CD8B: variants seen among roughly 807,000 people sequenced by gnomAD.
The protein encoded by CD8B is T-cell surface glycoprotein CD8 beta chain.
In CD8B, 6 loss-of-function variants were observed where a neutral mutation model predicts 24.2. The observed-to-expected ratio is 0.25, with a 90% CI of 0.14 to 0.49. The LOEUF (loss-of-function observed/expected upper bound fraction) is 0.49, where lower values mean the gene tolerates loss of function less well. Among genes scored for constraint, CD8B ranks in the 20% least tolerant of loss-of-function variants. CD8B has a pLI of 0.98. For missense variants in CD8B, 196 were observed against 271.3 expected (o/e 0.72, Z 1.95); for synonymous variants, 84 against 108.3 (o/e 0.78, Z 1.39).
At chr2:86,845,739 C>T (rs1476682130) in intron 4 of CD8B, among the ~76,000 whole-genome samples, 1 of 152,160 alleles carries the variant, frequency 6.6e-6, no homozygotes, top group East Asian at 1.9e-4. Flanking sequence ...AAATATTTTA[C>T]CAATGAGTTC....
chr2:86,833,079 G>A, intron 5 of CD8B: 2 of 330,110 alleles, frequency 6.1e-6, no homozygotes, highest in South Asian at 2.4e-5. Context: ...CAGGAACACA[G>A]CTACAGACAT....
chr2:86,851,823 A>ATGTGTGTC (rs1675989668), intron 3 of CD8B, among the ~76,000 whole-genome samples: 1 of 152,054 alleles, frequency 6.6e-6, no homozygotes, highest in Admixed American at 6.6e-5. Flanking sequence ...GTGCATGGGC[A>ATGTGTGTC]TGTGTGTCTG....
In CD8B at chr2:86,842,293, A is replaced by G. The variant is rs750151632; in HGVS notation, c.*14T>C. ...TGTCTTTTTGTAGCAGGACACCAAA[A>G]CCGTATTCTCTGCTCATTTGTAAAA... On this transcript the variant is annotated 3_prime_UTR_variant, in exon 6 of 6. Transcript: ENST00000390655. The G allele has an allele frequency of 1.9e-6, 3 of 1,590,578 alleles. No homozygotes were observed. The highest frequency in any genetic ancestry group is 2.7e-5 in the African/African-American group (2 of 73,746).
At chr2:86,848,738 C>T (rs1030723127) in intron 3 of CD8B, among the ~76,000 whole-genome samples, 233 of 53,940 alleles carry the variant, frequency 4.3e-3, no homozygotes, top group Non-Finnish European at 5.5e-3. Context: ...ATTTTTGAGA[C>T]GGAGTTTTGC....
Position 86,838,429 on chromosome 2 carries a change from GTATTA to G in CD8B, c.*3873_*3877del, listed in dbSNP as rs1417038838. Among the ~76,000 whole-genome samples the G allele has an allele frequency of 2.6e-5, 4 of 152,080 alleles. No individual in the cohort carries two copies. Among genetic ancestry groups the G allele is most frequent in the South Asian group, 4.1e-4 (2 of 4,822 alleles). On this transcript the variant is annotated 3_prime_UTR_variant, in exon 6 of 6. Transcript: ENST00000390655. The stretch of plus-strand genomic sequence containing the variant: ...TAATTTTCTATATTCTCTATTTTAT[GTATTA>G]TATTCTCAAGATTTCAATTTTATGT...
chr2:86,854,813 A>G (rs1245050239), intron 2 of CD8B, among the ~76,000 whole-genome samples: 1 of 152,054 alleles, frequency 6.6e-6, no homozygotes, highest in African/African-American at 2.4e-5. Flanking sequence ...ACAGAAAAAA[A>G]AAAAAGAAAA....
chr2:86,822,980 C>T (rs1674536530), intron 5 of CD8B, among the ~76,000 whole-genome samples: 1 of 152,212 alleles, frequency 6.6e-6, no homozygotes, highest in African/African-American at 2.4e-5. Context: ...GTATGCATAA[C>T]ATAAATTTAC....
Position 86,839,594 on chromosome 2 carries a change from C to T in CD8B, c.*2713G>A, listed in dbSNP as rs1675324939. ...TTGGCAGCCCAGCCTGCTCCAGCTC[C>T]CTGGGCAGCCGGAGCTGAGCCCGCC... is the stretch of plus-strand genomic sequence containing the variant. On this transcript the variant is annotated 3_prime_UTR_variant, in exon 6 of 6. Transcript: ENST00000390655. Among the ~76,000 whole-genome samples the T allele has an allele frequency of 6.6e-6, 1 of 152,252 alleles. No individual in the cohort carries two copies. Among genetic ancestry groups the T allele is most frequent in the South Asian group, 2.1e-4 (1 of 4,834 alleles).
intron 2 of CD8B, 59 bp from the exon 3 acceptor site, chr2:86,853,145 A>G: frequency 4.5e-6 from 7 of 1,548,914 alleles, no homozygotes; most frequent in Non-Finnish European, 6.1e-6. Flanking sequence ...GGACTCAAAG[A>G]CAAAACTTTG....
chr2:86,819,663 T>C (rs555705403), intron 5 of CD8B, among the ~76,000 whole-genome samples: 1 of 152,344 alleles, frequency 6.6e-6, no homozygotes, highest in East Asian at 1.9e-4. Flanking sequence ...ACCCAAGAGA[T>C]CTGATGGAGA....
rs187225137 is a variant in CD8B at position 86,823,692 on chromosome 2, C to T, written c.621-7974G>A. Among the ~76,000 whole-genome samples the T allele has an allele frequency of 3.3e-4, 50 of 152,350 alleles. 2 individuals are homozygous for T. In the East Asian group the frequency reaches 8.1e-3, roughly 25 times the overall value. On this transcript the variant is annotated intron_variant, in intron 5 of 5. Transcript: ENST00000331469. ...ATTTGATATTGACTGTGCACCCACA[C>T]GTGTGCTGGGCACTGTTCGAGGCAG...
At chr2:86,829,665 C>T (rs1427287839) in intron 5 of CD8B, among the ~76,000 whole-genome samples, 2 of 152,172 alleles carry the variant, frequency 1.3e-5, no homozygotes, top group Non-Finnish European at 2.9e-5. Context: ...ATAGCATAAA[C>T]GCTACCCTGT....
chr2:86,822,256 C>T, intron 5 of CD8B: 1 of 848,942 alleles, frequency 1.2e-6, no homozygotes, highest in Non-Finnish European at 1.9e-6. Context: ...AAGATGATAT[C>T]TGTTTCAGGT....
intron 3 of CD8B, among the ~76,000 whole-genome samples, chr2:86,848,522 G>A (rs1232976264): frequency 1.3e-5 from 2 of 151,966 alleles, no homozygotes; most frequent in East Asian, 3.9e-4. Flanking sequence ...TAGCTGAGGG[G>A]CAGAGCAGGG....
chr2:86,839,552 C>T lies in CD8B; in HGVS notation c.*2755G>A, dbSNP rs113687804. Among the ~76,000 whole-genome samples, 2,836 of 152,324 alleles carry T rather than the reference C, an allele frequency of 0.019. 84 individuals carry two copies. Among genetic ancestry groups the T allele is most frequent in the African/African-American group, 0.065 (2,681 of 41,558 alleles). On this transcript the variant is annotated 3_prime_UTR_variant, in exon 6 of 6. Transcript: ENST00000390655. ...GTCAGGTGCTGGGTGCAGACCTTCT[C>T]ACCGCAGCCCCCACCATTGGCAGCC...
chr2:86,858,833 C>T (rs1676424972), intron 1 of CD8B, among the ~76,000 whole-genome samples: 1 of 151,576 alleles, frequency 6.6e-6, no homozygotes, highest in Non-Finnish European at 1.5e-5. Flanking sequence ...TCAGCCTTGA[C>T]CTCCTGGGCT....
chr2:86,847,196 C>A (rs1675732375), intron 3 of CD8B, among the ~76,000 whole-genome samples: 2 of 151,910 alleles, frequency 1.3e-5, no homozygotes, highest in Non-Finnish European at 2.9e-5. Flanking sequence ...CTTGGCCTCC[C>A]AAAGTGCTGG....
rs1190922471 is a variant in CD8B at position 86,826,032 on chromosome 2, C to T, written c.621-10314G>A. 5.9e-5 allele frequency among the ~76,000 whole-genome samples: 9 copies of T among 152,266 alleles called. No individual in the cohort carries two copies. In the East Asian group the frequency reaches 9.7e-4, roughly 16 times the overall value. The stretch of plus-strand genomic sequence containing the variant: ...GCCTCCCTGAGCCTTGAAACATTTG[C>T]AGACCAAGCAGGCTCAGGTGCCCGT... On this transcript the variant is annotated intron_variant, in intron 5 of 5. Transcript: ENST00000331469.
chr2:86,829,094 A>ATTTTTTT (rs1674803947), intron 5 of CD8B, among the ~76,000 whole-genome samples: 25 of 52,076 alleles, frequency 4.8e-4, no homozygotes, highest in Admixed American at 8.7e-4. Flanking sequence ...TATGCTCTTT[A>ATTTTTTT]CTTTTTTTTT....
Sources: allele counts gnomAD v4.1 joint callset (sites outside exome capture counted in the v4.1 genomes callset), GRCh38; gene constraint gnomAD v4.1.1; transcripts MANE v1.5; gene names NCBI Gene and HGNC (gene_info 2026-07-23, HGNC 2026-07-21).